Variants in TRPV4 observed in about 807,000 individuals in gnomAD.
The protein encoded by TRPV4 is transient receptor potential cation channel subfamily V member 4.
Under a neutral mutation model 84.1 loss-of-function variants are expected in TRPV4, and 58 were observed. That is an observed-to-expected ratio of 0.69 (90% confidence interval 0.56 to 0.86). TRPV4 has a LOEUF of 0.86. Ranked by LOEUF, TRPV4 falls within the 40% of genes least tolerant of loss-of-function variation. The pLI is 0.00. For missense variants in TRPV4, 879 were observed against 1,181.1 expected (o/e 0.74, Z 3.75); for synonymous variants, 489 against 500.9 (o/e 0.98, Z 0.32).
rs750416252 is a variant in TRPV4 at position 109,786,756 on chromosome 12, C to T, written c.2290G>A (p.Val764Met). 3.1e-6 allele frequency: 5 copies of T among 1,613,902 alleles called. No individual in the cohort carries two copies. Among genetic ancestry groups the T allele is most frequent in the South Asian group, 1.1e-5 (1 of 91,086 alleles). The change falls in exon 14 of 16, where the codon GTG becomes ATG. Residue 764 changes from valine to methionine, a missense_variant. This residue lies in a region of TRPV4 where 242 missense variants were observed against 355.3 expected (regional missense o/e 0.68). Transcript: ENST00000261740. The surrounding 1 kb of genome is among the most constrained non-coding windows in gnomAD (Gnocchi z 4.5). ...KAFRSGEMVT[V>M]GKSSDGTPDR... ...GGAGTGCCGTCCGAGCTCTTGCCCA[C>T]GGTGACCATCTCCCCAGAGCGGAAG...
chr12:109,822,508 A>G (rs1254267540), intron 1 of TRPV4, among the ~76,000 whole-genome samples: 2 of 152,210 alleles, frequency 1.3e-5, no homozygotes, highest in Non-Finnish European at 2.9e-5. Flanking sequence ...CCTTCCAGGT[A>G]AGAAAACTGA....
At chr12:109,807,988 C>T (rs531281132) in intron 3 of TRPV4, among the ~76,000 whole-genome samples, 1 of 152,186 alleles carries the variant, frequency 6.6e-6, no homozygotes, top group Non-Finnish European at 1.5e-5. Context: ...AGAGGTCACA[C>T]ATCGCTTAAC....
At position 109,814,863 on chromosome 12, in the gene TRPV4, G is replaced by A. The variant is rs113764896; in HGVS notation, c.-31-36C>T. The A allele has an allele frequency of 1.8e-3, 2,798 of 1,527,448 alleles. 11 individuals carry two copies. Among genetic ancestry groups the A allele is most frequent in the African/African-American group, 5.1e-3 (374 of 72,946 alleles). 94.6% of individuals were successfully genotyped at this position (1,527,448 alleles called of 1,614,324 possible). ...ATGAAAGGGGAGTCAGGCAGAACCC[G>A]GCCAGGGGCGGGGGCTCCAGGAAGC... On this transcript the variant is annotated intron_variant, in intron 1 of 15. Transcript: ENST00000261740. This position sits in a 1 kb window ranked among gnomAD's most constrained non-coding sequence, Gnocchi z 5.4.
At chr12:109,792,927 C>T (rs1890138630) in intron 10 of TRPV4, 110 bp from the exon 11 acceptor site, 1 of 1,043,712 alleles carries the variant, frequency 9.6e-7, no homozygotes, top group African/African-American at 1.6e-5. Context: ...CTTCCCAATG[C>T]CTTCTAGACC....
Position 109,786,943 on chromosome 12 carries a change from G to T in TRPV4, c.2209-106C>A. Reference sequence around the variant, plus strand: ...CGGGCCAGGGTGGGCCCAGAACTAGGCATTTAGACTCCTACTCCCCACTAG... The same window carrying T: ...CGGGCCAGGGTGGGCCCAGAACTAGTCATTTAGACTCCTACTCCCCACTAG... On this transcript the variant is annotated intron_variant, in intron 13 of 15. Transcript: ENST00000261740. This position sits in a 1 kb window ranked among gnomAD's most constrained non-coding sequence, Gnocchi z 4.5. 6.7e-7 allele frequency: 1 copy of T among 1,489,038 alleles called. No individual in the cohort carries two copies. The highest frequency in any genetic ancestry group is 9.2e-7 in the Non-Finnish European group (1 of 1,082,394). The allele number at this position is 1,489,038 out of a possible 1,614,324, so 92.2% of individuals were successfully genotyped here.
At chr12:109,824,499 T>C (rs113241211) in intron 1 of TRPV4, among the ~76,000 whole-genome samples, 3,077 of 151,860 alleles carry the variant, frequency 0.02, 44 homozygotes, top group South Asian at 0.043. Context: ...CTCACGCCTG[T>C]AATCCCAGCA....
chr12:109,800,010 T>G (rs1395676202), intron 5 of TRPV4, among the ~76,000 whole-genome samples: 1 of 152,022 alleles, frequency 6.6e-6, no homozygotes, highest in Non-Finnish European at 1.5e-5. Context: ...TGGGGAAATC[T>G]CGGCTCATTG....
chr12:109,788,780 C>T, intron 12 of TRPV4, 64 bp from the exon 13 acceptor site: 1 of 1,582,412 alleles, frequency 6.3e-7, no homozygotes, highest in Non-Finnish European at 8.7e-7. Flanking sequence ...TGGAGGGTGT[C>T]ATTCTCATTT....
rs1891820487 is a variant in TRPV4, at chr12:109,815,923, G to A, written c.-31-1096C>T. 6.6e-6 allele frequency among the ~76,000 whole-genome samples: 1 copy of A among 152,214 alleles called. No individual in the cohort carries two copies. Among genetic ancestry groups the A allele is most frequent in the African/African-American group, 2.4e-5 (1 of 41,462 alleles). On this transcript the variant is annotated intron_variant, in intron 1 of 15. Transcript: ENST00000261740. The surrounding 1 kb of genome is among the most constrained non-coding windows in gnomAD (Gnocchi z 4.1). ...GTGCTTAGCCAGGAGCCAGGGCAAG[G>A]GAGGGGCAAGGCCCCACTGGTTGGC... is the stretch of plus-strand genomic sequence containing the variant.
In TRPV4 at chr12:109,796,716, G is replaced by A. The variant is rs1890424049; in HGVS notation, c.1153-12C>T. The A allele has an allele frequency of 1.9e-6, 3 of 1,605,356 alleles. No individual in the cohort carries two copies. Among genetic ancestry groups the A allele is most frequent in the Non-Finnish European group, 2.6e-6 (3 of 1,174,038 alleles). Reference sequence around the variant, plus strand: ...ATGTGCTGAAAGATCTGCACAGGGGGCCAGGAGGGTCAGGGGGCTCACACT... The same window carrying A: ...ATGTGCTGAAAGATCTGCACAGGGGACCAGGAGGGTCAGGGGGCTCACACT... On this transcript the variant is annotated splice_polypyrimidine_tract_variant and intron_variant, in intron 6 of 15. Coordinates refer to ENST00000261740, the MANE Select transcript of TRPV4 (RefSeq NM_021625.5). This position sits in a 1 kb window ranked among gnomAD's most constrained non-coding sequence, Gnocchi z 4.2.
At position 109,784,559 on chromosome 12, in the gene TRPV4, G is replaced by A. The variant is rs1008620447; in HGVS notation, c.2337-122C>T. The A allele has an allele frequency of 5.5e-6, 8 of 1,465,054 alleles. No individual in the cohort carries two copies. In the African/African-American group the frequency reaches 7.0e-5, roughly 13 times the overall value. The allele number at this position is 1,465,054 out of a possible 1,614,324, so 90.8% of individuals were successfully genotyped here. ...CATATACATAACAAGGCTGGGCGTG[G>A]TGGCTCATGCCTGCAATCCCAGCAC... On this transcript the variant is annotated intron_variant, in intron 14 of 15. Transcript: ENST00000261740.
chr12:109,794,265 C>A, intron 8 of TRPV4, 64 bp downstream of exon 8: 1 of 1,591,504 alleles, frequency 6.3e-7, no homozygotes, highest in South Asian at 1.1e-5. Flanking sequence ...TGAGGTTGTG[C>A]CCCAGTCCTG....
Position 109,783,901 on chromosome 12 carries a change from AT to A in TRPV4, c.2459-124del. 1 of 1,211,488 alleles carries A rather than the reference AT, an allele frequency of 8.3e-7. No individual in the cohort carries two copies. The highest frequency in any genetic ancestry group is 1.2e-6 in the Non-Finnish European group (1 of 862,942). The allele number at this position is 1,211,488 out of a possible 1,614,324, so 75.0% of individuals were successfully genotyped here. A position where few individuals can be genotyped will look rare whatever the true frequency, so the allele number is the denominator to read the frequency against. On this transcript the variant is annotated intron_variant, in intron 15 of 15. Transcript: ENST00000261740. The surrounding 1 kb of genome is among the most constrained non-coding windows in gnomAD (Gnocchi z 4.6). ...CTGAAGGGGGGATGTGACTATGCTC[AT>A]TTTACAGAGGTGGAAACTGGGGCTC...
At chr12:109,817,837 T>C (rs1305381932) in intron 1 of TRPV4, among the ~76,000 whole-genome samples, 1 of 152,158 alleles carries the variant, frequency 6.6e-6, no homozygotes, top group Non-Finnish European at 1.5e-5. Context: ...TTGTCACAAC[T>C]GTACAGGAGA....
At chr12:109,794,094 C>T in intron 8 of TRPV4, 72 bp from the exon 9 acceptor site, 1 of 1,339,136 alleles carries the variant, frequency 7.5e-7, no homozygotes, top group Non-Finnish European at 1.1e-6. Flanking sequence ...CAGATGTTCC[C>T]CCAGGCCCGA....
chr12:109,783,607 C>G lies in TRPV4; in HGVS notation c.*14G>C. On this transcript the variant is annotated 3_prime_UTR_variant, in exon 16 of 16. Transcript: ENST00000261740. The surrounding 1 kb of genome is among the most constrained non-coding windows in gnomAD (Gnocchi z 4.6). ...AAATGAGTGGGCAGAGAAGCTGGGG[C>G]TGGGCTGCAGTCCCTAGAGCGGGGC... is the stretch of plus-strand genomic sequence containing the variant. The G allele has an allele frequency of 1.2e-6, 2 of 1,610,208 alleles. No individual in the cohort carries two copies. The highest frequency in any genetic ancestry group is 1.7e-6 in the Non-Finnish European group (2 of 1,177,594).
Position 109,798,996 on chromosome 12 carries a change from C to G in TRPV4, c.854-84G>C. 7.5e-7 allele frequency: 1 copy of G among 1,329,300 alleles called. No homozygotes were observed. The highest frequency in any genetic ancestry group is 1.0e-6 in the Non-Finnish European group (1 of 954,732). 82.3% of individuals were successfully genotyped at this position (1,329,300 alleles called of 1,614,324 possible). ...CTGCAGACACTCGGGGGACGGACAC[C>G]GTGGCGCTCTGAGGATAATGACGGA... On this transcript the variant is annotated intron_variant, in intron 5 of 15. Coordinates refer to ENST00000261740, the MANE Select transcript of TRPV4 (RefSeq NM_021625.5). This position sits in a 1 kb window ranked among gnomAD's most constrained non-coding sequence, Gnocchi z 5.0.
chr12:109,826,773 C>T (rs1265884488), intron 1 of TRPV4, among the ~76,000 whole-genome samples: 39 of 152,186 alleles, frequency 2.6e-4, no homozygotes, highest in Admixed American at 2.3e-3. Flanking sequence ...TGGCCCCAGA[C>T]GGATCACTTG....
chr12:109,823,102 G>C (rs1278876279), intron 1 of TRPV4, among the ~76,000 whole-genome samples: 2 of 152,192 alleles, frequency 1.3e-5, no homozygotes, highest in African/African-American at 4.8e-5. Flanking sequence ...GAAACCTACT[G>C]CCTGCCAGGC....
Sources: gnomAD v4.1 joint callset for allele counts (sites outside exome capture counted in the v4.1 genomes callset) on GRCh38, gnomAD v4.1.1 for gene constraint, gnomAD v4.1.1 regional missense constraint, Gnocchi (gnomAD v3.1) non-coding constraint, MANE v1.5 for transcripts, NCBI Gene and HGNC (gene_info 2026-07-23, HGNC 2026-07-21) for gene names.